NRG3: variants seen among roughly 807,000 people sequenced by gnomAD.
The protein encoded by NRG3 is neuregulin 3, also known as pro-neuregulin-3, membrane-bound isoform.
In NRG3, 31 loss-of-function variants were observed where a neutral mutation model predicts 66.9. That is an observed-to-expected ratio of 0.46 (90% CI 0.35 to 0.63). NRG3 has a LOEUF of 0.63. NRG3 is among the 20% of genes least tolerant of loss of function. NRG3 has a pLI of 0.00. For synonymous variants in NRG3, 393 were observed against 359.4 expected (o/e 1.09, Z -1.06); for missense variants, 910 against 878.9 (o/e 1.04, Z -0.45).
chr10:82,933,088 T>G (rs1272241329), intron 4 of NRG3, among the ~76,000 whole-genome samples: 1 of 152,180 alleles, frequency 6.6e-6, no homozygotes, highest in African/African-American at 2.4e-5. Flanking sequence ...GCAGCAAATT[T>G]TCTCAGATTT....
intron 1 of NRG3, among the ~76,000 whole-genome samples, chr10:82,212,169 C>T (rs1020741795): frequency 1.3e-5 from 2 of 152,098 alleles, no homozygotes; most frequent in African/African-American, 4.8e-5. Context: ...TTTGACTAAC[C>T]TATAAAAACA....
At chr10:82,140,801 A>C (rs2069720596) in intron 1 of NRG3, among the ~76,000 whole-genome samples, 1 of 152,184 alleles carries the variant, frequency 6.6e-6, no homozygotes, top group Non-Finnish European at 1.5e-5. Flanking sequence ...CTTGGCACGA[A>C]GTTTCACACT....
At chr10:82,146,401 C>G (rs1000111072) in intron 1 of NRG3, among the ~76,000 whole-genome samples, 1 of 152,170 alleles carries the variant, frequency 6.6e-6, no homozygotes, top group African/African-American at 2.4e-5. Flanking sequence ...TCTGATTTAT[C>G]GTCTCTAGTA....
intron 1 of NRG3, among the ~76,000 whole-genome samples, chr10:82,345,278 A>T (rs964268078): frequency 7.5e-6 from 1 of 132,452 alleles, no homozygotes; most frequent in Non-Finnish European, 1.5e-5. Flanking sequence ...AGCTTTCTAC[A>T]TATGGCTAGC....
At chr10:82,133,867 G>A (rs1564595666) in intron 1 of NRG3, among the ~76,000 whole-genome samples, 1 of 152,088 alleles carries the variant, frequency 6.6e-6, no homozygotes, top group Non-Finnish European at 1.5e-5. Context: ...TTGAATTAAT[G>A]TACACTTCCA....
At chr10:82,449,715 T>C (rs1367495671) in intron 2 of NRG3, among the ~76,000 whole-genome samples, 1 of 152,134 alleles carries the variant, frequency 6.6e-6, no homozygotes, top group Non-Finnish European at 1.5e-5. Flanking sequence ...ATCAAGCATA[T>C]GTGTGGTCGC....
At chr10:82,804,510 AG>A (rs1178350688) in intron 3 of NRG3, among the ~76,000 whole-genome samples, 1 of 152,172 alleles carries the variant, frequency 6.6e-6, no homozygotes, top group Non-Finnish European at 1.5e-5. Context: ...CGAGGATAAA[AG>A]GGGGCCACTA....
chr10:82,713,606 A>G (rs2056803909), intron 2 of NRG3, among the ~76,000 whole-genome samples: 3 of 152,210 alleles, frequency 2.0e-5, no homozygotes, highest in Admixed American at 2.0e-4. Flanking sequence ...CTGGGTGTGG[A>G]AAGTGCTGAG....
chr10:82,059,364 GT>G (rs2064011940), intron 1 of NRG3, among the ~76,000 whole-genome samples: 1 of 152,158 alleles, frequency 6.6e-6, no homozygotes, highest in African/African-American at 2.4e-5. Context: ...GATACACTCA[GT>G]AGATATTTCA....
At chr10:82,511,048 A>C (rs574065608) in intron 2 of NRG3, among the ~76,000 whole-genome samples, 53 of 152,306 alleles carry the variant, frequency 3.5e-4, no homozygotes, top group African/African-American at 1.2e-3. Context: ...ACATTTCTGC[A>C]TGTTAGCCTG....
At chr10:82,637,486 C>T (rs1012824337) in intron 2 of NRG3, among the ~76,000 whole-genome samples, 1 of 152,082 alleles carries the variant, frequency 6.6e-6, no homozygotes, top group African/African-American at 2.4e-5. Context: ...CATTTGAATC[C>T]AGTAATCAGT....
chr10:82,888,659 G>A (rs779498574), intron 4 of NRG3, among the ~76,000 whole-genome samples: 61 of 152,196 alleles, frequency 4.0e-4, no homozygotes, highest in Non-Finnish European at 5.6e-4. Flanking sequence ...AAAGATTTCT[G>A]CCCTTGTGGA....
chr10:81,897,855 A>G (rs939247263), intron 1 of NRG3, among the ~76,000 whole-genome samples: 7 of 152,166 alleles, frequency 4.6e-5, no homozygotes, highest in African/African-American at 1.7e-4. Context: ...AGTGACAGGG[A>G]AATTCTTGTA....
chr10:82,181,385 A>G (rs2073406635), intron 1 of NRG3, among the ~76,000 whole-genome samples: 2 of 151,380 alleles, frequency 1.3e-5, no homozygotes, highest in Admixed American at 1.3e-4. Flanking sequence ...TTCTTTTTTA[A>G]TGTCAGTGTT....
At chr10:82,972,354 A>G (rs192916799) in intron 6 of NRG3, among the ~76,000 whole-genome samples, 2 of 152,042 alleles carry the variant, frequency 1.3e-5, no homozygotes, top group East Asian at 3.9e-4. Flanking sequence ...CTCTCTTTTT[A>G]TGTTCTTTTT....
rs573083814 is a variant in NRG3 at position 82,949,981 on chromosome 10, T to C, written c.1055-1488T>C. Among the ~76,000 whole-genome samples, 7 of 152,288 alleles carry C rather than the reference T, an allele frequency of 4.6e-5. No individual in the cohort carries two copies. In the East Asian group the frequency reaches 1.4e-3, roughly 29 times the overall value. On this transcript the variant is annotated intron_variant, in intron 4 of 8. Transcript: ENST00000372141. ...ATTTTTTATGTAGATGATTCATGTT[T>C]TGAGAACTCTTAGTCTGCTCAAAAG... is the stretch of plus-strand genomic sequence containing the variant.
chr10:82,932,544 G>T (rs1347882040), intron 4 of NRG3, among the ~76,000 whole-genome samples: 2 of 152,044 alleles, frequency 1.3e-5, no homozygotes, highest in South Asian at 2.1e-4. Context: ...TATGTGGATG[G>T]CATAAAGAAC....
chr10:82,013,296 G>T (rs1051239850), intron 1 of NRG3, among the ~76,000 whole-genome samples: 2 of 152,044 alleles, frequency 1.3e-5, no homozygotes, highest in Non-Finnish European at 2.9e-5. Context: ...AACAGTATGG[G>T]GGAAACCACT....
chr10:82,369,598 C>T (rs1178563914), intron 2 of NRG3, among the ~76,000 whole-genome samples: 1 of 138,588 alleles, frequency 7.2e-6, no homozygotes, highest in Non-Finnish European at 1.5e-5. Flanking sequence ...CGGTGCCTGG[C>T]TTAGCTCCCA....
Sources: gnomAD v4.1 joint callset for allele counts (sites outside exome capture counted in the v4.1 genomes callset) on GRCh38, gnomAD v4.1.1 for gene constraint, MANE v1.5 for transcripts, NCBI Gene and HGNC (gene_info 2026-07-23, HGNC 2026-07-21) for gene names.